Variants in CLASP2 observed in about 807,000 individuals in gnomAD.
The protein encoded by CLASP2 is CLIP-associating protein 2.
In CLASP2, 47 loss-of-function variants were observed where a neutral mutation model predicts 194.4. The observed-to-expected ratio is 0.24, with a 90% CI of 0.19 to 0.31. The LOEUF (loss-of-function observed/expected upper bound fraction) is 0.31. Among genes scored for constraint, CLASP2 ranks in the 10% least tolerant of loss-of-function variants. CLASP2 has a pLI of 1.00. For missense variants in CLASP2, 1,445 were observed against 1,823.6 expected, an observed-to-expected ratio of 0.79 and a Z score of 3.78; for synonymous variants, 619 against 633.5, an observed-to-expected ratio of 0.98 and a Z score of 0.34.
At chr3:33,513,387 C>G (rs1258385177) in intron 36 of CLASP2, among the ~76,000 whole-genome samples, 1 of 151,994 alleles carries the variant, frequency 6.6e-6, no homozygotes, top group Non-Finnish European at 1.5e-5. Flanking sequence ...CAAAAATTAG[C>G]TGGGCATGGT....
intron 8 of CLASP2, among the ~76,000 whole-genome samples, chr3:33,643,278 TA>T (rs1341676850): frequency 4.0e-5 from 6 of 151,872 alleles, no homozygotes; most frequent in African/African-American, 1.4e-4. Flanking sequence ...CATTTTAAGC[TA>T]AAAAGACAGC....
chr3:33,652,435 A>G (rs1462665489), intron 7 of CLASP2, among the ~76,000 whole-genome samples: 6 of 152,174 alleles, frequency 3.9e-5, no homozygotes, highest in African/African-American at 1.4e-4. Context: ...TACACTTCCC[A>G]CACTGTGCTT....
At position 33,717,946 on chromosome 3, in the gene CLASP2, G is replaced by C. The variant is rs751130693; in HGVS notation, c.57C>G (p.Gly19=). Reference sequence around the variant, plus strand: ...GCTCCTGGCCGACCTGCAGCCGGCCGCCGACGTCCTTCTGCTGCACCTGGG... The same window carrying C: ...GCTCCTGGCCGACCTGCAGCCGGCCCCCGACGTCCTTCTGCTGCACCTGGG... The part of the protein sequence containing the change: ...FCAQVQQKDV[G]GRLQVGQELL... The change falls in exon 1 of 39, where the codon GGC becomes GGG. Residue 19 remains glycine, a synonymous_variant. Coordinates refer to ENST00000682230, the MANE Select transcript of CLASP2 (RefSeq NM_001365631.1). 1.5e-5 allele frequency: 23 copies of C among 1,546,174 alleles called. No homozygotes were observed. In the African/African-American group the frequency reaches 2.9e-4, roughly 19 times the overall value.
At chr3:33,548,013 C>A (rs1233819621) in intron 30 of CLASP2, among the ~76,000 whole-genome samples, 1 of 151,908 alleles carries the variant, frequency 6.6e-6, no homozygotes, top group Non-Finnish European at 1.5e-5. Flanking sequence ...TGGGCTCAGG[C>A]AATCCACCTG....
intron 8 of CLASP2, among the ~76,000 whole-genome samples, chr3:33,639,717 G>A (rs893307183): frequency 2.0e-5 from 3 of 152,104 alleles, no homozygotes; most frequent in African/African-American, 7.2e-5. Flanking sequence ...AAAGCATCAG[G>A]GATGGATAGT....
chr3:33,498,412 T>C lies in CLASP2; in HGVS notation c.*219A>G, dbSNP rs934270386. ...CTTTGTGTCGATCAATTGATGTTAA[T>C]ACTGCTTCTTCTTGAATTTGGAATA... On this transcript the variant is annotated 3_prime_UTR_variant, in exon 39 of 39. Coordinates refer to ENST00000682230, the MANE Select transcript of CLASP2 (RefSeq NM_001365631.1). The C allele has an allele frequency of 6.9e-6, 3 of 433,726 alleles. No homozygotes were observed. The highest frequency in any genetic ancestry group is 7.8e-5 in the Admixed American group (2 of 25,758). 26.9% of individuals were successfully genotyped at this position (433,726 alleles called of 1,614,324 possible). A position where few individuals can be genotyped will look rare whatever the true frequency, so the allele number is the denominator to read the frequency against.
At chr3:33,700,244 T>C (rs2092279497) in intron 1 of CLASP2, among the ~76,000 whole-genome samples, 1 of 151,856 alleles carries the variant, frequency 6.6e-6, no homozygotes, top group South Asian at 2.1e-4. Flanking sequence ...CTGGCCAGCA[T>C]GGCAAAACCC....
chr3:33,516,502 T>C (rs797015845), intron 35 of CLASP2, among the ~76,000 whole-genome samples: 8 of 152,060 alleles, frequency 5.3e-5, no homozygotes, highest in African/African-American at 1.9e-4. Flanking sequence ...ACCCCATCTC[T>C]ACCAAAAACA....
chr3:33,603,230 C>G (rs929927593), intron 17 of CLASP2, 105 bp from the exon 18 acceptor site: 2 of 1,263,756 alleles, frequency 1.6e-6, no homozygotes, highest in Non-Finnish European at 2.1e-6. Flanking sequence ...AAATGGTCAA[C>G]AAAAAGGCTG....
chr3:33,581,468 T>C (rs2066125610), intron 23 of CLASP2, among the ~76,000 whole-genome samples: 1 of 152,224 alleles, frequency 6.6e-6, no homozygotes, highest in Non-Finnish European at 1.5e-5. Context: ...AAAAGTATTT[T>C]ATCAAACTAG....
At chr3:33,671,207 G>C (rs996666071) in intron 6 of CLASP2, among the ~76,000 whole-genome samples, 2 of 152,136 alleles carry the variant, frequency 1.3e-5, no homozygotes, top group Non-Finnish European at 2.9e-5. Context: ...TTCAGAGACA[G>C]AGGCTCACTA....
At chr3:33,560,011 C>T (rs907538673) in intron 28 of CLASP2, among the ~76,000 whole-genome samples, 2 of 152,078 alleles carry the variant, frequency 1.3e-5, no homozygotes, top group Non-Finnish European at 2.9e-5. Context: ...TTTCTCTATA[C>T]CTAAAATCTG....
intron 18 of CLASP2, 104 bp from the exon 19 acceptor site, chr3:33,596,838 T>C (rs1014319740): frequency 9.7e-6 from 9 of 925,390 alleles, no homozygotes; most frequent in African/African-American, 8.3e-5. Context: ...ACAGAATTCA[T>C]AGTACAGACG....
chr3:33,710,485 G>T (rs986898140), intron 1 of CLASP2, among the ~76,000 whole-genome samples: 1 of 152,126 alleles, frequency 6.6e-6, no homozygotes, highest in Non-Finnish European at 1.5e-5. Flanking sequence ...AGGCCAGAGG[G>T]TCACTTGAGC....
intron 11 of CLASP2, 22 bp from the exon 12 acceptor site, chr3:33,619,760 ATTTT>A: frequency 6.5e-7 from 1 of 1,548,426 alleles, no homozygotes. Flanking sequence ...GACAAAAAGT[ATTTT>A]TTAATAGTTT....
chr3:33,530,267 G>T (rs915100122), intron 34 of CLASP2, among the ~76,000 whole-genome samples: 34 of 152,114 alleles, frequency 2.2e-4, no homozygotes, highest in Non-Finnish European at 4.1e-4. Context: ...TTGAGCCCAG[G>T]AGTTTTAGAC....
At chr3:33,595,097 C>A in intron 19 of CLASP2, 129 bp from the exon 20 acceptor site, 1 of 454,346 alleles carries the variant, frequency 2.2e-6, no homozygotes, top group Non-Finnish European at 3.8e-6. Context: ...AGTCTGACAG[C>A]CTTAAATTAA....
At chr3:33,535,164 G>C (rs540049695) in intron 34 of CLASP2, 69 bp downstream of exon 34, 19 of 1,021,360 alleles carry the variant, frequency 1.9e-5, no homozygotes, top group Admixed American at 4.6e-5. Context: ...AAAAGCATAT[G>C]CATTTCTTTT....
At chr3:33,716,438 A>T (rs988133196) in intron 1 of CLASP2, among the ~76,000 whole-genome samples, 1 of 152,222 alleles carries the variant, frequency 6.6e-6, no homozygotes, top group African/African-American at 2.4e-5. Context: ...GGTACATCTG[A>T]GGAGTGAAAT....
Sources: gnomAD v4.1 joint callset for allele counts (sites outside exome capture counted in the v4.1 genomes callset) on GRCh38, gnomAD v4.1.1 for gene constraint, MANE v1.5 for transcripts, NCBI Gene and HGNC (gene_info 2026-07-23, HGNC 2026-07-21) for gene names.